CCNK: variants seen among roughly 807,000 people sequenced by gnomAD.
CCNK encodes cyclin-K.
A neutral mutation model predicts 65.0 loss-of-function variants in CCNK; 9 were observed. That is an observed-to-expected ratio of 0.14 (90% CI 0.08 to 0.24). The LOEUF is 0.24. Ranked by LOEUF, CCNK falls within the 10% of genes least tolerant of loss-of-function variation. The pLI is 1.00. For missense variants in CCNK, 474 were observed against 720.0 expected (o/e 0.66, Z 3.91); for synonymous variants, 279 against 270.8 (o/e 1.03, Z -0.30).
chr14:99,493,042 C>T (rs942459586), intron 2 of CCNK, 168 bp downstream of exon 2: 4 of 681,194 alleles, frequency 5.9e-6, no homozygotes, highest in Non-Finnish European at 9.2e-6. Flanking sequence ...TCTGATTTGT[C>T]ATTTTAAAGG....
intron 10 of CCNK, chr14:99,508,555 G>C (rs527730984): frequency 6.6e-6 from 1 of 152,596 alleles, no homozygotes; most frequent in South Asian, 2.1e-4. Flanking sequence ...GCGCAGTAAA[G>C]CTGGGCCGTG....
intron 1 of CCNK, among the ~76,000 whole-genome samples, chr14:99,484,285 A>G (rs1429642031): frequency 6.6e-6 from 1 of 152,276 alleles, no homozygotes; most frequent in African/African-American, 2.4e-5. Context: ...TGTGAGGATA[A>G]GAAAACTAGC....
intron 1 of CCNK, 30 bp from the exon 2 acceptor site, chr14:99,492,596 T>C (rs1423901261): frequency 8.2e-7 from 1 of 1,216,366 alleles, no homozygotes; most frequent in Admixed American, 2.7e-5. Context: ...GGAGTATTCC[T>C]TTCCAACTTT....
At chr14:99,497,888 A>T (rs1896735691) in intron 4 of CCNK, among the ~76,000 whole-genome samples, 1 of 152,238 alleles carries the variant, frequency 6.6e-6, no homozygotes, top group African/African-American at 2.4e-5. Flanking sequence ...AGGAACTCAT[A>T]TTAACTATAA....
At chr14:99,504,769 T>G (rs1033507568) in intron 9 of CCNK, 1 of 152,172 alleles carries the variant, frequency 6.6e-6, no homozygotes, top group African/African-American at 2.4e-5. Flanking sequence ...ATTTTTTAAT[T>G]AGCTTCAAAT....
chr14:99,493,579 A>G lies in CCNK; in HGVS notation c.263A>G (p.Lys88Arg), dbSNP rs767771543. 6 of 1,604,618 alleles carry G rather than the reference A, an allele frequency of 3.7e-6. No homozygotes were observed. Among genetic ancestry groups the G allele is most frequent in the South Asian group, 1.1e-5 (1 of 90,722 alleles). ...CGCTTCTATATGTTTCATTCCTTCA[A>G]GCAATTCCCAAGATATGTAAGTGTT... ...FHRFYMFHSF[K>R]QFPRYVTGAC... The change falls in exon 3 of 11, where the codon AAG becomes AGG. Residue 88 changes from lysine to arginine, a missense_variant. This residue lies in a region of CCNK where 87 missense variants were observed against 166.2 expected (regional missense o/e 0.52). Transcript: ENST00000389879.
At chr14:99,497,951 G>A (rs1896736910) in intron 4 of CCNK, among the ~76,000 whole-genome samples, 1 of 152,208 alleles carries the variant, frequency 6.6e-6, no homozygotes, top group African/African-American at 2.4e-5. Flanking sequence ...TGTTTTCAAT[G>A]TGCATGGGTA....
intron 7 of CCNK, 25 bp from the exon 8 acceptor site, chr14:99,502,694 A>C (rs1896864824): frequency 1.2e-6 from 2 of 1,604,596 alleles, no homozygotes; most frequent in African/African-American, 2.7e-5. Context: ...ATTTGTGTAA[A>C]ATGTAATTGT....
At chr14:99,496,688 C>T (rs866321531) in intron 4 of CCNK, among the ~76,000 whole-genome samples, 4 of 151,050 alleles carry the variant, frequency 2.6e-5, no homozygotes, top group African/African-American at 4.9e-5. Flanking sequence ...CCAGCCTGGG[C>T]GACGGAGCAA....
intron 6 of CCNK, 50 bp from the exon 7 acceptor site, chr14:99,502,157 C>A (rs1311436697): frequency 2.0e-6 from 3 of 1,515,332 alleles, no homozygotes; most frequent in South Asian, 1.3e-5. Context: ...CTGGTTTAAT[C>A]ATAAATATTA....
chr14:99,502,468 G>A, intron 7 of CCNK, 92 bp downstream of exon 7: 1 of 1,499,336 alleles, frequency 6.7e-7, no homozygotes, highest in Admixed American at 2.3e-5. Flanking sequence ...GATTTTCCCA[G>A]ATAGACATAT....
chr14:99,489,381 T>C lies in CCNK; in HGVS notation c.-52-3245T>C, dbSNP rs3918052. On this transcript the variant is annotated intron_variant, in intron 1 of 10. Coordinates refer to ENST00000389879, the MANE Select transcript of CCNK (RefSeq NM_001099402.2). ...CACTAATGAAGTTTTAAAATTTCGTTGGGGCCAGCCACTGTGGCTCATACC... is the reference window on the plus strand; with the variant it reads ...CACTAATGAAGTTTTAAAATTTCGTCGGGGCCAGCCACTGTGGCTCATACC... 2.0e-5 allele frequency among the ~76,000 whole-genome samples: 3 copies of C among 152,246 alleles called. No individual in the cohort carries two copies. In the East Asian group the frequency reaches 5.8e-4, roughly 29 times the overall value.
chr14:99,492,490 G>A, intron 1 of CCNK, 136 bp from the exon 2 acceptor site: 2 of 566,134 alleles, frequency 3.5e-6, no homozygotes, highest in South Asian at 4.9e-5. Context: ...TCTGGAGTTA[G>A]CCCGGGCTTG....
intron 1 of CCNK, among the ~76,000 whole-genome samples, chr14:99,482,851 A>G (rs1363869924): frequency 3.3e-5 from 4 of 122,760 alleles, no homozygotes; most frequent in Admixed American, 1.8e-4. Context: ...TATATTTGAA[A>G]GCAGTGACTC....
chr14:99,484,129 A>G (rs560554952), intron 1 of CCNK, among the ~76,000 whole-genome samples: 2 of 152,384 alleles, frequency 1.3e-5, no homozygotes. Context: ...AGGATGTAAC[A>G]TTCCACTTAA....
At chr14:99,495,819 A>G (rs528935102) in intron 4 of CCNK, among the ~76,000 whole-genome samples, 190 bp downstream of exon 4, 3 of 152,302 alleles carry the variant, frequency 2.0e-5, no homozygotes, top group African/African-American at 7.2e-5. Context: ...ACACTTACTC[A>G]GTGCTTCCTT....
At chr14:99,509,097 G>A (rs1012394674) in intron 10 of CCNK, 4 of 152,208 alleles carry the variant, frequency 2.6e-5, no homozygotes, top group South Asian at 2.1e-4. Context: ...AAGATCAAAC[G>A]GGTTGTGTGC....
At chr14:99,496,752 C>A (rs1896710017) in intron 4 of CCNK, among the ~76,000 whole-genome samples, 2 of 149,248 alleles carry the variant, frequency 1.3e-5, no homozygotes, top group African/African-American at 2.5e-5. Context: ...AAAAAAAAAA[C>A]CTTTATTATT....
At chr14:99,507,177 C>T in intron 10 of CCNK, 30 bp downstream of exon 10, 1 of 1,325,268 alleles carries the variant, frequency 7.5e-7, no homozygotes, top group Non-Finnish European at 1.1e-6. Context: ...GCTTGGCCAG[C>T]TGTGCACATC....
Sources: allele counts gnomAD v4.1 joint callset (sites outside exome capture counted in the v4.1 genomes callset), GRCh38; gene constraint gnomAD v4.1.1; regional missense constraint gnomAD v4.1.1; transcripts MANE v1.5; gene names NCBI Gene and HGNC (gene_info 2026-07-23, HGNC 2026-07-21).